DTL: variants seen among roughly 807,000 people sequenced by gnomAD.
The protein encoded by DTL is denticleless protein homolog.
In DTL, 46 loss-of-function variants were observed where a neutral mutation model predicts 87.0. The observed-to-expected ratio is 0.53, with a 90% CI of 0.42 to 0.68. The LOEUF (loss-of-function observed/expected upper bound fraction) is 0.68. Among genes scored for constraint, DTL ranks in the 30% least tolerant of loss-of-function variants. DTL has a pLI of 0.00. For missense variants in DTL, 737 were observed against 869.4 expected (o/e 0.85, Z 1.91); for synonymous variants, 308 against 311.2 (o/e 0.99, Z 0.11).
In DTL at chr1:212,103,117, T is replaced by C. The variant is rs773516295; in HGVS notation, c.*177T>C. Reference sequence around the variant, plus strand: ...TGAAATGTACCTAATCTGGTTCTACTACCATAATGTATATGCAGCTTCCCG... The same window carrying C: ...TGAAATGTACCTAATCTGGTTCTACCACCATAATGTATATGCAGCTTCCCG... On this transcript the variant is annotated 3_prime_UTR_variant, in exon 15 of 15. Transcript: ENST00000366991. 247 of 441,028 alleles carry C rather than the reference T, an allele frequency of 5.6e-4. 1 individual carries two copies. The highest frequency in any genetic ancestry group is 9.0e-4 in the Non-Finnish European group (224 of 248,006). 27.3% of individuals were successfully genotyped at this position (441,028 alleles called of 1,614,324 possible). A position where few individuals can be genotyped will look rare whatever the true frequency, so the allele number is the denominator to read the frequency against.
intron 5 of DTL, among the ~76,000 whole-genome samples, chr1:212,059,606 G>A (rs1668279127): frequency 6.6e-6 from 1 of 151,988 alleles, no homozygotes; most frequent in South Asian, 2.1e-4. Flanking sequence ...CTTGAGAACT[G>A]GAACAAGACA....
intron 13 of DTL, among the ~76,000 whole-genome samples, chr1:212,086,152 A>C (rs1397040208): frequency 6.6e-6 from 1 of 152,222 alleles, no homozygotes; most frequent in Non-Finnish European, 1.5e-5. Flanking sequence ...CAAAATAGCC[A>C]GCTAGGATTT....
At chr1:212,046,796 G>T (rs780429429) in intron 3 of DTL, among the ~76,000 whole-genome samples, 1 of 152,256 alleles carries the variant, frequency 6.6e-6, no homozygotes. Flanking sequence ...GTTCCTTTGG[G>T]TATATACCCA....
chr1:212,071,312 C>A (rs1181626443), intron 10 of DTL, among the ~76,000 whole-genome samples: 1 of 152,120 alleles, frequency 6.6e-6, no homozygotes, highest in Non-Finnish European at 1.5e-5. Flanking sequence ...AGATTTTTCT[C>A]TTGTATTTCC....
intron 13 of DTL, among the ~76,000 whole-genome samples, chr1:212,090,361 TAA>T (rs1199156543): frequency 6.6e-6 from 1 of 152,200 alleles, no homozygotes; most frequent in African/African-American, 2.4e-5. Flanking sequence ...TTATTTATGC[TAA>T]AAGAGAGATT....
At chr1:212,078,343 A>T (rs1246467396) in intron 12 of DTL, 81 bp downstream of exon 12, 1 of 899,658 alleles carries the variant, frequency 1.1e-6, no homozygotes, top group African/African-American at 1.7e-5. Context: ...TTTGAGAATG[A>T]TATAAATTTT....
rs370021670 is a variant in DTL at position 212,048,167 on chromosome 1, T to G, written c.460+750T>G. ...ACCTAAAAATTTATCATGTATTTGG[T>G]TTAAATGGCCTGTTTTTTGTTTTTT... is the stretch of plus-strand genomic sequence containing the variant. On this transcript the variant is annotated intron_variant, in intron 5 of 14. Coordinates refer to ENST00000366991, the MANE Select transcript of DTL (RefSeq NM_016448.4). 2.0e-5 allele frequency among the ~76,000 whole-genome samples: 3 copies of G among 152,202 alleles called. No individual in the cohort carries two copies. In the East Asian group the frequency reaches 5.8e-4, roughly 29 times the overall value.
intron 13 of DTL, among the ~76,000 whole-genome samples, chr1:212,088,544 G>A (rs1423258927): frequency 1.3e-5 from 2 of 152,332 alleles, no homozygotes; most frequent in Non-Finnish European, 2.9e-5. Context: ...AGCTCTGTGG[G>A]AGAAGAGGAA....
chr1:212,041,647 G>T (rs146569049), intron 1 of DTL, among the ~76,000 whole-genome samples: 1,681 of 152,152 alleles, frequency 0.011, 30 homozygotes, highest in African/African-American at 0.038. Context: ...TGGGACTACA[G>T]GCGCCTGCCA....
In DTL at chr1:212,102,847, C is replaced by T; in HGVS notation, c.2100C>T (p.Thr700=). The change falls in exon 15 of 15, where the codon ACC becomes ACT. Residue 700 remains threonine (T), a synonymous_variant. Transcript: ENST00000366991. ...TCTAAACTTTCTTCTTCTAGGTCAC[C>T]ATCACGCCCAGCTCCATGAGGAAAA... ...QSGKKLPSPV[T]ITPSSMRKIC... 6.2e-7 allele frequency: 1 copy of T among 1,607,462 alleles called. No individual in the cohort carries two copies. The highest frequency in any genetic ancestry group is 8.5e-7 in the Non-Finnish European group (1 of 1,175,310).
chr1:212,044,806 A>T (rs1303552289), intron 3 of DTL, 48 bp downstream of exon 3: 3 of 1,086,122 alleles, frequency 2.8e-6, no homozygotes. Context: ...AAAACTTTAC[A>T]CATCCTCAAG....
Position 212,041,962 on chromosome 1 carries a change from A to C in DTL, c.53-1031A>C, listed in dbSNP as rs138774886. Among the ~76,000 whole-genome samples the C allele has an allele frequency of 6.1e-3, 927 of 152,228 alleles. 9 individuals carry two copies. Among genetic ancestry groups the C allele is most frequent in the African/African-American group, 0.021 (890 of 41,530 alleles). On this transcript the variant is annotated intron_variant, in intron 1 of 14. Coordinates refer to ENST00000366991, the MANE Select transcript of DTL (RefSeq NM_016448.4). ...TTCAGATTATGTCTATGAACATCCAAATGTAGATTTGTCTGAGGTTATGTC... is the reference window on the plus strand; with the variant it reads ...TTCAGATTATGTCTATGAACATCCACATGTAGATTTGTCTGAGGTTATGTC...
intron 5 of DTL, chr1:212,052,146 T>A (rs1204643563): frequency 1.5e-6 from 1 of 646,908 alleles, no homozygotes; most frequent in African/African-American, 1.8e-5. Flanking sequence ...CTGTGGTTGT[T>A]AAAATCATTT....
intron 5 of DTL, among the ~76,000 whole-genome samples, chr1:212,061,782 T>C (rs1654325426): frequency 1.3e-5 from 2 of 152,164 alleles, no homozygotes; most frequent in South Asian, 2.1e-4. Flanking sequence ...CATGTTCCCA[T>C]TTATATGTGG....
chr1:212,038,559 C>A (rs1033046559), intron 1 of DTL, among the ~76,000 whole-genome samples: 2 of 152,218 alleles, frequency 1.3e-5, no homozygotes, highest in Non-Finnish European at 2.9e-5. Context: ...ATCCTCTCTT[C>A]TTTATCTGTT....
rs1412583225 is a variant in DTL at position 212,104,168 on chromosome 1, CT to C, written c.*1231del. ...ACCTCATGGAAAGAGGCTTTACATA[CT>C]TTCTATGTACTATTTACTTAGAAGG... On this transcript the variant is annotated 3_prime_UTR_variant, in exon 15 of 15. Coordinates refer to ENST00000366991, the MANE Select transcript of DTL (RefSeq NM_016448.4). 6.6e-6 allele frequency: 1 copy of C among 151,826 alleles called. No individual in the cohort carries two copies. The highest frequency in any genetic ancestry group is 2.4e-5 in the African/African-American group (1 of 41,310). 9.4% of individuals were successfully genotyped at this position (151,826 alleles called of 1,614,324 possible). A position where few individuals can be genotyped will look rare whatever the true frequency, so the allele number is the denominator to read the frequency against.
At chr1:212,101,231 A>G (rs12723099) in intron 14 of DTL, 147 bp downstream of exon 14, 1 of 582,586 alleles carries the variant, frequency 1.7e-6, no homozygotes, top group African/African-American at 1.9e-5. Flanking sequence ...TAAATACAAA[A>G]CAAATTTTGC....
intron 13 of DTL, among the ~76,000 whole-genome samples, chr1:212,093,615 C>T (rs1655353634): frequency 6.6e-6 from 1 of 152,236 alleles, no homozygotes; most frequent in Non-Finnish European, 1.5e-5. Flanking sequence ...CCCTGCTGGC[C>T]TGCCGGCCTG....
At chr1:212,049,178 T>G (rs753286086) in intron 5 of DTL, among the ~76,000 whole-genome samples, 3 of 152,134 alleles carry the variant, frequency 2.0e-5, no homozygotes, top group Non-Finnish European at 2.9e-5. Flanking sequence ...CCGCATTGGC[T>G]TCCCAAAGTG....
Sources: gnomAD v4.1 joint callset for allele counts (sites outside exome capture counted in the v4.1 genomes callset) on GRCh38, gnomAD v4.1.1 for gene constraint, MANE v1.5 for transcripts, NCBI Gene and HGNC (gene_info 2026-07-23, HGNC 2026-07-21) for gene names.